ADGRA1: variants seen among roughly 807,000 people sequenced by gnomAD.
ADGRA1 encodes the protein adhesion G protein-coupled receptor A1.
ADGRA1 carries 12 observed loss-of-function variants against 21.3 expected under a neutral mutation model. The observed-to-expected ratio is 0.56, with a 90% CI of 0.36 to 0.91. The LOEUF (loss-of-function observed/expected upper bound fraction) is 0.91. ADGRA1 is among the 40% of genes least tolerant of loss of function. ADGRA1 has a pLI of 0.01. For missense variants in ADGRA1, 790 were observed against 805.6 expected (o/e 0.98, Z 0.23); for synonymous variants, 385 against 368.8 (o/e 1.04, Z -0.50).
intron 5 of ADGRA1, among the ~76,000 whole-genome samples, chr10:133,122,240 G>A (rs1009287679): frequency 3.3e-5 from 5 of 152,242 alleles, no homozygotes; most frequent in East Asian, 1.9e-4. Flanking sequence ...AGGCTGTGAT[G>A]GTGCCACTGC....
chr10:133,119,992 C>G (rs1376131445), intron 5 of ADGRA1, among the ~76,000 whole-genome samples: 1 of 152,196 alleles, frequency 6.6e-6, no homozygotes, highest in Non-Finnish European at 1.5e-5. Context: ...TCCGTTAGCC[C>G]CTAGCAAGAG....
chr10:133,108,686 C>T (rs1029675347), intron 5 of ADGRA1, among the ~76,000 whole-genome samples: 1 of 152,152 alleles, frequency 6.6e-6, no homozygotes, highest in Non-Finnish European at 1.5e-5. Context: ...ACACCATTTG[C>T]AGTCTGCCCA....
intron 4 of ADGRA1, 55 bp downstream of exon 4, chr10:133,098,818 C>T (rs1851736497): frequency 5.8e-6 from 9 of 1,565,172 alleles, no homozygotes; most frequent in South Asian, 4.6e-5. Flanking sequence ...GCGTGAGCGT[C>T]GTCTTGTTTA....
At chr10:133,095,893 G>A (rs1591167337) in intron 2 of ADGRA1, 19 of 1,322,792 alleles carry the variant, frequency 1.4e-5, no homozygotes, top group Non-Finnish European at 1.7e-5. Context: ...CTCCTGCCCC[G>A]ATGCCCAGGG....
At chr10:133,103,762 C>T (rs541294178) in intron 5 of ADGRA1, among the ~76,000 whole-genome samples, 64 of 152,344 alleles carry the variant, frequency 4.2e-4, no homozygotes, top group East Asian at 9.7e-4. Flanking sequence ...GTGACCAGGC[C>T]GGAGCTCGCC....
intron 5 of ADGRA1, among the ~76,000 whole-genome samples, chr10:133,123,198 C>T (rs894050277): frequency 6.6e-6 from 1 of 152,050 alleles, no homozygotes; most frequent in African/African-American, 2.4e-5. Context: ...AGTCCCTCTG[C>T]GCCCGTCCCT....
rs547268912 is a variant in ADGRA1, at chr10:133,097,157, T to C, written c.131+56T>C. 20 of 1,592,322 alleles carry C rather than the reference T, an allele frequency of 1.3e-5. No individual in the cohort carries two copies. In the African/African-American group the frequency reaches 2.1e-4, roughly 17 times the overall value. ...GTGCCCAAGAAACCTGCTTTTACCT[T>C]CAAAGGCAAGTCCCTGAAGGGCAAT... On this transcript the variant is annotated intron_variant, in intron 3 of 6. Transcript: ENST00000392607.
chr10:133,093,298 ACTG>A (rs1851635197), intron 2 of ADGRA1: 1 of 1,547,536 alleles, frequency 6.5e-7, no homozygotes, highest in East Asian at 2.3e-5. Flanking sequence ...AACTTGACCG[ACTG>A]CTTCCTTCTC....
At chr10:133,121,932 AGT>A (rs749325690) in intron 5 of ADGRA1, among the ~76,000 whole-genome samples, 11 of 144,258 alleles carry the variant, frequency 7.6e-5, no homozygotes, top group East Asian at 4.2e-4. Flanking sequence ...CCAGTGTGCC[AGT>A]GTGTGTGTGA....
In ADGRA1 at chr10:133,129,105, T is replaced by A. The variant is rs780311260; in HGVS notation, c.1277T>A (p.Phe426Tyr). 6.4e-6 allele frequency: 10 copies of A among 1,551,812 alleles called. No individual in the cohort carries two copies. The highest frequency in any genetic ancestry group is 8.7e-6 in the Non-Finnish European group (10 of 1,146,434). The change falls in exon 7 of 7, where the codon TTT becomes TAT. Residue 426 changes from phenylalanine (F) to tyrosine (Y), a missense_variant. By Grantham distance (22) the Phe-to-Tyr change is conservative. Transcript: ENST00000392607. ...CAGGGCAGAACTAAGCCGCCCTACT[T>A]TAGCCGGCACCCAGCAGAGGAGCCC... Reference protein sequence around the residue: ...CLQGRTKPPYFSRHPAEEPEY... With the variant: ...CLQGRTKPPYYSRHPAEEPEY...
At chr10:133,111,891 A>G (rs66770510) in intron 5 of ADGRA1, among the ~76,000 whole-genome samples, 3,721 of 19,044 alleles carry the variant, frequency 0.2, 324 homozygotes, top group East Asian at 0.36. Context: ...TGCCCACCAC[A>G]GACACCTCCC....
intron 6 of ADGRA1, 89 bp downstream of exon 6, chr10:133,127,420 C>G (rs974842763): frequency 2.0e-6 from 2 of 984,346 alleles, no homozygotes; most frequent in African/African-American, 3.4e-5. Flanking sequence ...TGGGGAAGCC[C>G]AGGACGAAGC....
intron 2 of ADGRA1, among the ~76,000 whole-genome samples, chr10:133,093,487 G>A (rs111954812): frequency 5.3e-5 from 8 of 152,366 alleles, no homozygotes; most frequent in African/African-American, 1.9e-4. Context: ...CTCACACGCT[G>A]GCGGGACTGT....
chr10:133,095,905 A>G (rs562062348), intron 2 of ADGRA1: 26 of 1,258,190 alleles, frequency 2.1e-5, no homozygotes, highest in East Asian at 1.0e-4. Flanking sequence ...TGCCCAGGGC[A>G]GCATCCATGG....
chr10:133,124,843 C>T (rs994920345), intron 5 of ADGRA1, among the ~76,000 whole-genome samples: 2 of 152,300 alleles, frequency 1.3e-5, no homozygotes, highest in South Asian at 2.1e-4. Flanking sequence ...CGGCCCCGGC[C>T]CCGGCCCCGG....
chr10:133,127,834 C>A (rs1302122814), intron 6 of ADGRA1, among the ~76,000 whole-genome samples: 1 of 131,466 alleles, frequency 7.6e-6, no homozygotes, highest in Non-Finnish European at 1.7e-5. Flanking sequence ...CCCGCCCACC[C>A]AGCTCCACCT....
intron 2 of ADGRA1, among the ~76,000 whole-genome samples, chr10:133,096,508 C>T (rs182255646): frequency 6.6e-6 from 1 of 152,338 alleles, no homozygotes; most frequent in African/African-American, 2.4e-5. Flanking sequence ...AGAATCCTCC[C>T]GGAAGATGTT....
At chr10:133,119,172 A>G (rs899508028) in intron 5 of ADGRA1, among the ~76,000 whole-genome samples, 2 of 152,208 alleles carry the variant, frequency 1.3e-5, no homozygotes, top group African/African-American at 2.4e-5. Flanking sequence ...GGCTTCAGCT[A>G]AAGTGCAAAC....
intron 2 of ADGRA1, chr10:133,093,016 C>G: frequency 5.0e-6 from 8 of 1,593,234 alleles, no homozygotes; most frequent in Non-Finnish European, 6.8e-6. Context: ...GGTTCCTCAG[C>G]CAGTCGGAGC....
Sources: gnomAD v4.1 joint callset for allele counts (sites outside exome capture counted in the v4.1 genomes callset) on GRCh38, gnomAD v4.1.1 for gene constraint, MANE v1.5 for transcripts, NCBI Gene and HGNC (gene_info 2026-07-23, HGNC 2026-07-21) for gene names.